The following LRRC36 variants were observed in gnomAD, a reference collection of about 807,000 sequenced individuals.
LRRC36 encodes leucine rich repeat containing 36, also known as leucine-rich repeat-containing protein 36.
LRRC36 carries 62 observed loss-of-function variants against 81.1 expected under a neutral mutation model. That is an observed-to-expected ratio of 0.76 (90% CI 0.62 to 0.94). LRRC36 has a LOEUF of 0.94. LRRC36 is among the 40% of genes least tolerant of loss of function. The pLI is 0.00. For synonymous variants in LRRC36, 334 were observed against 348.6 expected, an observed-to-expected ratio of 0.96 and a Z score of 0.47; for missense variants, 761 against 881.7, an observed-to-expected ratio of 0.86 and a Z score of 1.73.
At chr16:67,343,401 T>A (rs1311202055) in intron 2 of LRRC36, among the ~76,000 whole-genome samples, 1 of 151,752 alleles carries the variant, frequency 6.6e-6, no homozygotes. Context: ...ATCTCTATTT[T>A]AAAAAATCAA....
chr16:67,340,266 C>T (rs2037966491), intron 1 of LRRC36, among the ~76,000 whole-genome samples: 1 of 152,190 alleles, frequency 6.6e-6, no homozygotes, highest in Non-Finnish European at 1.5e-5. Context: ...GTAGAACTCT[C>T]TTCCAGTTTT....
At chr16:67,381,428 T>C (rs73597056) in intron 12 of LRRC36, among the ~76,000 whole-genome samples, 1,920 of 152,220 alleles carry the variant, frequency 0.013, 47 homozygotes, top group African/African-American at 0.044. Context: ...CCATTCTAGA[T>C]GTTTTCACAT....
intron 11 of LRRC36, 102 bp from the exon 12 acceptor site, chr16:67,378,487 A>C: frequency 9.6e-7 from 1 of 1,043,554 alleles, no homozygotes; most frequent in Non-Finnish European, 1.4e-6. Flanking sequence ...CAAACCATCC[A>C]CCTCAGCCTC....
At chr16:67,369,817 G>A (rs1051208504) in intron 8 of LRRC36, among the ~76,000 whole-genome samples, 1 of 152,028 alleles carries the variant, frequency 6.6e-6, no homozygotes, top group African/African-American at 2.4e-5. Flanking sequence ...GGAAAGACCC[G>A]CCCCCATAAT....
At chr16:67,374,052 C>A (rs1181787851) in intron 9 of LRRC36, among the ~76,000 whole-genome samples, 1 of 151,718 alleles carries the variant, frequency 6.6e-6, no homozygotes, top group African/African-American at 2.4e-5. Context: ...TAGAATTAGC[C>A]AGGCACGGTG....
At chr16:67,354,816 T>C (rs1310817835) in intron 5 of LRRC36, among the ~76,000 whole-genome samples, 3 of 152,216 alleles carry the variant, frequency 2.0e-5, no homozygotes, top group Admixed American at 1.3e-4. Context: ...TTGTACATTC[T>C]ATGGGCTTGA....
chr16:67,357,219 A>G (rs1193984227), intron 5 of LRRC36, among the ~76,000 whole-genome samples: 2 of 152,254 alleles, frequency 1.3e-5, no homozygotes, highest in Admixed American at 1.3e-4. Context: ...GAATTTCTGA[A>G]TAAAAGACAC....
chr16:67,347,908 G>A (rs1177754653), intron 4 of LRRC36, among the ~76,000 whole-genome samples: 1 of 152,172 alleles, frequency 6.6e-6, no homozygotes, highest in East Asian at 1.9e-4. Flanking sequence ...TTTCTCAGTA[G>A]AGTTATCAAT....
Position 67,341,060 on chromosome 16 carries a change from TTC to T in LRRC36, c.71-895_71-894del, listed in dbSNP as rs1567470391. On this transcript the variant is annotated intron_variant, in intron 1 of 13. Transcript: ENST00000329956. ...TTCTATAGAATATGTACTCTACATA[TTC>T]TATAGAATATGTACTCTACATATTC... Among the ~76,000 whole-genome samples, 80 of 118,768 alleles carry T rather than the reference TTC, an allele frequency of 6.7e-4. 20 individuals carry two copies. The highest frequency in any genetic ancestry group is 2.5e-3 in the African/African-American group (72 of 29,078). The allele number at this position is 118,768 out of a possible 152,430, so 77.9% of individuals were successfully genotyped here.
chr16:67,378,693 GC>G lies in LRRC36; in HGVS notation c.1912del (p.Gln638AsnfsTer16). 1 of 1,613,980 alleles carries G rather than the reference GC, an allele frequency of 6.2e-7. No homozygotes were observed. The highest frequency in any genetic ancestry group is 8.5e-7 in the Non-Finnish European group (1 of 1,179,892). ...GTGCTGCCATCTCAATTGTGAGTGG[GC>G]AACAGTCACATACTTATGGTAAGTT... ...EGAAISIVSGQQSHTYDDLLH... is the reference protein window; with the variant it reads ...EGAAISIVSGXQSHTYDDLLH... On this transcript the variant is annotated frameshift_variant, in exon 12 of 14. Coordinates refer to ENST00000329956, the MANE Select transcript of LRRC36 (RefSeq NM_018296.6). LOFTEE classifies it high-confidence loss of function.
chr16:67,379,837 G>A (rs1410236581), intron 12 of LRRC36, among the ~76,000 whole-genome samples: 5 of 152,168 alleles, frequency 3.3e-5, no homozygotes, highest in Non-Finnish European at 1.5e-5. Flanking sequence ...CCTTCGTGTA[G>A]TCAGTTTCCC....
rs566732358 is a variant in LRRC36, at chr16:67,370,505, G to A, written c.1196-439G>A. ...AAAAATACAAAAATTAGCTGGGCAT[G>A]GTGGGTAGACCCAGCTACTCGGGAG... is the stretch of plus-strand genomic sequence containing the variant. On this transcript the variant is annotated intron_variant, in intron 8 of 13. Transcript: ENST00000329956. Among the ~76,000 whole-genome samples the A allele has an allele frequency of 5.3e-5, 8 of 151,994 alleles. 1 individual carries two copies. The highest frequency in any genetic ancestry group is 1.9e-4 in the African/African-American group (8 of 41,452).
intron 5 of LRRC36, among the ~76,000 whole-genome samples, 195 bp from the exon 6 acceptor site, chr16:67,363,395 C>G (rs751735998): frequency 6.6e-6 from 1 of 152,178 alleles, no homozygotes; most frequent in African/African-American, 2.4e-5. Context: ...TAGATTTTAT[C>G]ATCTCTGTTT....
At chr16:67,345,285 G>A (rs906963204) in intron 2 of LRRC36, among the ~76,000 whole-genome samples, 1 of 149,122 alleles carries the variant, frequency 6.7e-6, no homozygotes, top group Admixed American at 6.7e-5. Context: ...CTGCACTCCA[G>A]CCTGGGCGAT....
chr16:67,371,333 C>A (rs1470940498), intron 9 of LRRC36, 91 bp downstream of exon 9: 1 of 1,435,230 alleles, frequency 7.0e-7, no homozygotes, highest in Non-Finnish European at 9.8e-7. Context: ...TGGTTCTGAC[C>A]AACAGGGCTA....
intron 1 of LRRC36, 36 bp downstream of exon 1, chr16:67,326,968 T>C (rs1292506815): frequency 8.1e-6 from 12 of 1,476,028 alleles, no homozygotes; most frequent in South Asian, 1.4e-5. Context: ...ACTGGGAACG[T>C]AGGGTCAGAA....
chr16:67,345,313 CAAA>C (rs34575374), intron 2 of LRRC36, among the ~76,000 whole-genome samples: 13 of 88,094 alleles, frequency 1.5e-4, no homozygotes, highest in Admixed American at 2.5e-4. Context: ...TACCCTGTCT[CAAA>C]AAAAAAAAAA....
At chr16:67,338,865 A>ATTTC (rs2037887648) in intron 1 of LRRC36, among the ~76,000 whole-genome samples, 1 of 45,374 alleles carries the variant, frequency 2.2e-5, no homozygotes. Context: ...TGGAAGCTGA[A>ATTTC]TTTTTTTTTT....
At chr16:67,355,363 C>CTTTTTTT (rs1156742689) in intron 5 of LRRC36, among the ~76,000 whole-genome samples, 8 of 77,710 alleles carry the variant, frequency 1.0e-4, no homozygotes, top group East Asian at 5.0e-4. Context: ...TTTAAGATGT[C>CTTTTTTT]TTTTTTTTTT....
Sources: gnomAD v4.1 joint callset for allele counts (sites outside exome capture counted in the v4.1 genomes callset) on GRCh38, gnomAD v4.1.1 for gene constraint, MANE v1.5 for transcripts, NCBI Gene and HGNC (gene_info 2026-07-23, HGNC 2026-07-21) for gene names.